JAZF1: variants seen among roughly 807,000 people sequenced by gnomAD.
The protein encoded by JAZF1 is JAZF zinc finger 1.
A neutral mutation model predicts 26.4 loss-of-function variants in JAZF1; 8 were observed. That is an observed-to-expected ratio of 0.30 (90% CI 0.18 to 0.55). JAZF1 has a LOEUF of 0.55. Among genes scored for constraint, JAZF1 ranks in the 20% least tolerant of loss-of-function variants. The probability of loss-of-function intolerance (pLI) is 0.94; values close to 1 mark genes in which losing one functional copy is unlikely to be tolerated. For synonymous variants in JAZF1, 126 were observed against 122.3 expected, an observed-to-expected ratio of 1.03 and a Z score of -0.20; for missense variants, 199 against 322.0, an observed-to-expected ratio of 0.62 and a Z score of 2.92.
intron 1 of JAZF1, among the ~76,000 whole-genome samples, chr7:28,051,491 C>T (rs960023638): frequency 1.3e-5 from 2 of 152,024 alleles, no homozygotes; most frequent in Admixed American, 6.6e-5. Flanking sequence ...AAATTACAGG[C>T]GTCAGCCACC....
intron 1 of JAZF1, among the ~76,000 whole-genome samples, chr7:28,046,797 TC>T (rs1345736236): frequency 6.6e-6 from 1 of 152,242 alleles, no homozygotes; most frequent in Non-Finnish European, 1.5e-5. Flanking sequence ...GTTGTTCACA[TC>T]CTTCCAACAT....
intron 3 of JAZF1, chr7:27,846,585 T>C (rs756273940): frequency 1.1e-5 from 5 of 470,670 alleles, no homozygotes; most frequent in South Asian, 7.8e-5. Context: ...TGTTGGGTCA[T>C]ATGGTTAGCT....
At chr7:27,977,830 C>A (rs955600681) in intron 2 of JAZF1, among the ~76,000 whole-genome samples, 1 of 152,204 alleles carries the variant, frequency 6.6e-6, no homozygotes, top group Admixed American at 6.5e-5. Flanking sequence ...CTAGCTTACT[C>A]CATTGCAGTA....
intron 1 of JAZF1, among the ~76,000 whole-genome samples, chr7:28,010,205 A>G (rs760890942): frequency 6.6e-6 from 1 of 152,122 alleles, no homozygotes. Flanking sequence ...TTAGGTTCAG[A>G]GAAAATCAGG....
intron 3 of JAZF1, among the ~76,000 whole-genome samples, chr7:27,878,020 A>C (rs1193500141): frequency 2.0e-5 from 3 of 152,082 alleles, no homozygotes. Flanking sequence ...CCAGACATGG[A>C]CTCTGTATGC....
intron 2 of JAZF1, among the ~76,000 whole-genome samples, chr7:27,926,697 A>C (rs989441915): frequency 5.9e-5 from 9 of 152,240 alleles, no homozygotes; most frequent in Non-Finnish European, 1.3e-4. Context: ...GACTCATTTT[A>C]CAGACAAGGA....
intron 1 of JAZF1, among the ~76,000 whole-genome samples, chr7:28,048,454 C>A (rs1184463369): frequency 2.6e-5 from 4 of 151,962 alleles, no homozygotes; most frequent in African/African-American, 9.7e-5. Context: ...ATACTTAGTC[C>A]ATTTATTTTC....
chr7:27,917,703 T>C (rs933333667), intron 2 of JAZF1, among the ~76,000 whole-genome samples: 2 of 152,200 alleles, frequency 1.3e-5, no homozygotes, highest in Admixed American at 6.5e-5. Flanking sequence ...TGGGGAAAAG[T>C]ACTGCAAAGA....
chr7:28,150,642 G>A (rs1171153843), intron 1 of JAZF1, among the ~76,000 whole-genome samples: 1 of 152,222 alleles, frequency 6.6e-6, no homozygotes, highest in Non-Finnish European at 1.5e-5. Flanking sequence ...ACAGGAAGGG[G>A]CTTTCCTCTC....
chr7:28,176,713 A>G (rs1783556819), intron 1 of JAZF1, among the ~76,000 whole-genome samples: 1 of 152,222 alleles, frequency 6.6e-6, no homozygotes, highest in African/African-American at 2.4e-5. Flanking sequence ...ATATATTATT[A>G]CATAAATAAA....
intron 1 of JAZF1, among the ~76,000 whole-genome samples, chr7:28,164,714 T>C (rs1783340184): frequency 6.6e-6 from 1 of 152,172 alleles, no homozygotes; most frequent in South Asian, 2.1e-4. Context: ...ATAAAATACA[T>C]GTTACGTTAC....
intron 2 of JAZF1, among the ~76,000 whole-genome samples, chr7:27,931,755 T>C (rs1784691608): frequency 6.6e-6 from 1 of 151,734 alleles, no homozygotes; most frequent in South Asian, 2.1e-4. Context: ...GAGAACTGCT[T>C]GAACCGGGGA....
rs141847856 is a variant in JAZF1 at position 28,161,853 on chromosome 7, G to C, written c.115+18610C>G. On this transcript the variant is annotated intron_variant, in intron 1 of 4. Coordinates refer to ENST00000283928, the MANE Select transcript of JAZF1 (RefSeq NM_175061.4). ...GCTTTGGAGTCAAGCAGGCCTGACT[G>C]TGTGATCTTGAGGGGATTACTTACT... is the stretch of plus-strand genomic sequence containing the variant. 3.6e-3 allele frequency among the ~76,000 whole-genome samples: 546 copies of C among 152,284 alleles called. 1 individual carries two copies. The highest frequency in any genetic ancestry group is 6.9e-3 in the Admixed American group (105 of 15,304).
At chr7:27,887,785 G>C (rs1460693142) in intron 3 of JAZF1, among the ~76,000 whole-genome samples, 1 of 152,104 alleles carries the variant, frequency 6.6e-6, no homozygotes, top group Non-Finnish European at 1.5e-5. Flanking sequence ...TGGTATAGCT[G>C]TGGAAAAACA....
chr7:27,914,012 T>A (rs10486566), intron 2 of JAZF1, among the ~76,000 whole-genome samples: 2,189 of 152,218 alleles, frequency 0.014, 48 homozygotes, highest in African/African-American at 0.05. Flanking sequence ...GGATAAAGAT[T>A]TAAAGCACAG....
rs1583558769 is a variant in JAZF1, at chr7:28,097,780, T to C, written c.115+82683A>G. ...CACAGGCCTGCTAGAGTCTGGGAGG[T>C]CATTTTGCATGTAGAAATGGGAGGG... On this transcript the variant is annotated intron_variant, in intron 1 of 4. Coordinates refer to ENST00000283928, the MANE Select transcript of JAZF1 (RefSeq NM_175061.4). Among the ~76,000 whole-genome samples, 3 of 151,794 alleles carry C rather than the reference T, an allele frequency of 2.0e-5. No individual in the cohort carries two copies. The South Asian group carries it at 6.2e-4, about 32-fold the overall frequency.
At chr7:27,935,390 C>T (rs1784750637) in intron 2 of JAZF1, among the ~76,000 whole-genome samples, 1 of 152,190 alleles carries the variant, frequency 6.6e-6, no homozygotes, top group Non-Finnish European at 1.5e-5. Context: ...AAAGTACTGA[C>T]ATATGTGATA....
At chr7:27,833,424 T>C (rs1391243062) in intron 4 of JAZF1, among the ~76,000 whole-genome samples, 2 of 152,200 alleles carry the variant, frequency 1.3e-5, no homozygotes, top group Non-Finnish European at 2.9e-5. Context: ...AATTTTTGAT[T>C]TGGAAACTCA....
At chr7:27,987,651 G>A (rs1212377400) in intron 2 of JAZF1, among the ~76,000 whole-genome samples, 1 of 152,216 alleles carries the variant, frequency 6.6e-6, no homozygotes, top group Non-Finnish European at 1.5e-5. Flanking sequence ...TCTGGGAAGT[G>A]AGGAGCCCCT....
Sources: gnomAD v4.1 joint callset for allele counts (sites outside exome capture counted in the v4.1 genomes callset) on GRCh38, gnomAD v4.1.1 for gene constraint, MANE v1.5 for transcripts, NCBI Gene and HGNC (gene_info 2026-07-23, HGNC 2026-07-21) for gene names.